KCNIP4: variants seen among roughly 807,000 people sequenced by gnomAD.
The protein encoded by KCNIP4 is potassium voltage-gated channel interacting protein 4.
In KCNIP4, 12 loss-of-function variants were observed where a neutral mutation model predicts 34.0. That is an observed-to-expected ratio of 0.35 (90% CI 0.23 to 0.57). The LOEUF (loss-of-function observed/expected upper bound fraction) is 0.57, where lower values mean the gene tolerates loss of function less well. KCNIP4 is among the 20% of genes least tolerant of loss of function. KCNIP4 has a pLI of 0.83. For missense variants in KCNIP4, 238 were observed against 311.7 expected (o/e 0.76, Z 1.78); for synonymous variants, 124 against 102.2 (o/e 1.21, Z -1.29).
chr4:21,274,296 G>A (rs1351098884), intron 1 of KCNIP4, among the ~76,000 whole-genome samples: 1 of 152,098 alleles, frequency 6.6e-6, no homozygotes, highest in Non-Finnish European at 1.5e-5. Context: ...AACTATCCTT[G>A]AATATGTTTT....
intron 1 of KCNIP4, among the ~76,000 whole-genome samples, chr4:21,108,180 A>G (rs980097861): frequency 6.6e-6 from 1 of 151,266 alleles, no homozygotes; most frequent in African/African-American, 2.5e-5. Context: ...CTCCTGGATA[A>G]TATCCTGCAG....
At chr4:21,207,518 T>C (rs1756931265) in intron 1 of KCNIP4, among the ~76,000 whole-genome samples, 1 of 152,200 alleles carries the variant, frequency 6.6e-6, no homozygotes, top group Admixed American at 6.5e-5. Context: ...AAGCAAACAA[T>C]AAACCATCTA....
At chr4:20,862,527 A>T (rs1722312589) in intron 2 of KCNIP4, among the ~76,000 whole-genome samples, 2 of 152,152 alleles carry the variant, frequency 1.3e-5, no homozygotes, top group South Asian at 4.1e-4. Flanking sequence ...GAAAAATTTT[A>T]AAAAGCAATG....
chr4:21,626,557 A>G (rs1745338705), intron 1 of KCNIP4, among the ~76,000 whole-genome samples: 1 of 151,904 alleles, frequency 6.6e-6, no homozygotes, highest in African/African-American at 2.4e-5. Flanking sequence ...CTGTTGTTTA[A>G]GCTACTCAGG....
At chr4:21,482,277 T>C (rs987433625) in intron 1 of KCNIP4, among the ~76,000 whole-genome samples, 4 of 152,194 alleles carry the variant, frequency 2.6e-5, no homozygotes, top group African/African-American at 9.6e-5. Flanking sequence ...TTTGCCAGTC[T>C]GTGTCTTTTA....
At chr4:20,935,209 A>G (rs1388262523) in intron 1 of KCNIP4, among the ~76,000 whole-genome samples, 1 of 152,190 alleles carries the variant, frequency 6.6e-6, no homozygotes. Context: ...TTTGAGATAC[A>G]CTATTCCACT....
At chr4:21,020,830 G>A (rs1195877922) in intron 1 of KCNIP4, among the ~76,000 whole-genome samples, 8 of 152,164 alleles carry the variant, frequency 5.3e-5, no homozygotes, top group African/African-American at 1.9e-4. Context: ...TGGTTAAGTA[G>A]CAAAGCCAAG....
intron 1 of KCNIP4, among the ~76,000 whole-genome samples, chr4:20,894,656 T>C (rs553173302): frequency 6.6e-6 from 1 of 152,344 alleles, no homozygotes; most frequent in Non-Finnish European, 1.5e-5. Context: ...AGCAGAGGAA[T>C]GATATCATCA....
chr4:21,313,292 A>G (rs1288574471), intron 1 of KCNIP4, among the ~76,000 whole-genome samples: 2 of 152,210 alleles, frequency 1.3e-5, no homozygotes, highest in Admixed American at 6.5e-5. Context: ...CGTCTCCTCC[A>G]ACAAATTATT....
At chr4:21,853,193 G>A (rs1185948677) in intron 1 of KCNIP4, 1 of 152,160 alleles carries the variant, frequency 6.6e-6, no homozygotes, top group African/African-American at 2.4e-5. Context: ...TCATAGGGTT[G>A]TAGTGGGGAG....
intron 1 of KCNIP4, among the ~76,000 whole-genome samples, chr4:21,264,923 CT>C (rs1310721480): frequency 1.3e-5 from 2 of 151,834 alleles, no homozygotes; most frequent in Non-Finnish European, 2.9e-5. Context: ...CATGGTGAAA[CT>C]CCCATCTCTA....
chr4:21,722,895 A>G (rs570112467), intron 1 of KCNIP4, among the ~76,000 whole-genome samples: 93 of 152,284 alleles, frequency 6.1e-4, no homozygotes, highest in African/African-American at 2.1e-3. Flanking sequence ...GCAATTCAGT[A>G]TGTGTAACCT....
rs913534671 is a variant in KCNIP4 at position 21,204,746 on chromosome 4, C to T, written c.62-322037G>A. On this transcript the variant is annotated intron_variant, in intron 1 of 8. Transcript: ENST00000382152. The stretch of plus-strand genomic sequence containing the variant: ...AAATAGATGTTTCACTTGAAATGGG[C>T]AGCTTTTTTAGAAAGGGAAACATAC... 7.8e-4 allele frequency among the ~76,000 whole-genome samples: 119 copies of T among 152,140 alleles called. 10 individuals are homozygous for T. The highest frequency in any genetic ancestry group is 9.7e-5 in the African/African-American group (4 of 41,430).
At chr4:20,757,328 C>T (rs1754565100) in intron 4 of KCNIP4, among the ~76,000 whole-genome samples, 4 of 152,300 alleles carry the variant, frequency 2.6e-5, no homozygotes, top group South Asian at 2.1e-4. Flanking sequence ...TCTAATTAGT[C>T]TCCCTGCCTG....
In KCNIP4 at chr4:20,875,101, GA is replaced by G. The variant is rs541206821; in HGVS notation, c.163+7506del. ...GGATGGTGAAAGGCCCAGAGAGAAG[GA>G]AAAAAAAAAAACTCATTCAAGGGGC... is the stretch of plus-strand genomic sequence containing the variant. On this transcript the variant is annotated intron_variant, in intron 2 of 8. Transcript: ENST00000382152. 2.6e-3 allele frequency among the ~76,000 whole-genome samples: 367 copies of G among 142,900 alleles called. 1 individual carries two copies. Among genetic ancestry groups the G allele is most frequent in the African/African-American group, 7.2e-3 (285 of 39,316 alleles). 93.7% of individuals were successfully genotyped at this position (142,900 alleles called of 152,430 possible).
In KCNIP4 at chr4:20,977,281, G is replaced by A. The variant is rs368732994; in HGVS notation, c.62-94572C>T. ...GTTACCCAATCACAGCATGACTCTG[G>A]CTTCTTGACAGCTTCCTGTCCAGGT... is the stretch of plus-strand genomic sequence containing the variant. On this transcript the variant is annotated intron_variant, in intron 1 of 8. Transcript: ENST00000382152. Among the ~76,000 whole-genome samples, 32 of 152,192 alleles carry A rather than the reference G, an allele frequency of 2.1e-4. No individual in the cohort carries two copies. In the South Asian group the frequency reaches 2.9e-3, roughly 14 times the overall value.
chr4:21,730,104 G>A (rs1431412767), intron 1 of KCNIP4: 1 of 152,012 alleles, frequency 6.6e-6, no homozygotes, highest in African/African-American at 2.4e-5. Flanking sequence ...AGGTAAATCT[G>A]GTTCCTTGCT....
intron 1 of KCNIP4, among the ~76,000 whole-genome samples, chr4:21,269,834 C>T (rs1427461105): frequency 6.6e-6 from 1 of 152,108 alleles, no homozygotes; most frequent in African/African-American, 2.4e-5. Context: ...AACAGGGACT[C>T]AAGAGATCAG....
intron 1 of KCNIP4, among the ~76,000 whole-genome samples, chr4:21,177,944 GGTT>G: frequency 6.6e-6 from 1 of 151,400 alleles, no homozygotes; most frequent in South Asian, 2.1e-4. Context: ...ATGTTTTACA[GGTT>G]ATTATACTTT....
Sources: gnomAD v4.1 joint callset for allele counts (sites outside exome capture counted in the v4.1 genomes callset) on GRCh38, gnomAD v4.1.1 for gene constraint, MANE v1.5 for transcripts, NCBI Gene and HGNC (gene_info 2026-07-23, HGNC 2026-07-21) for gene names.